The following MDGA2 variants were observed in gnomAD, a reference collection of about 807,000 sequenced individuals.
MDGA2 encodes the protein MAM domain-containing glycosylphosphatidylinositol anchor protein 2.
A neutral mutation model predicts 117.8 loss-of-function variants in MDGA2; 40 were observed. That is an observed-to-expected ratio of 0.34 (90% CI 0.26 to 0.44). The LOEUF (loss-of-function observed/expected upper bound fraction) is 0.44, where lower values mean the gene tolerates loss of function less well. Among genes scored for constraint, MDGA2 ranks in the 20% least tolerant of loss-of-function variants. MDGA2 has a pLI of 1.00. For missense variants in MDGA2, 1,123 were observed against 1,250.6 expected (o/e 0.90, Z 1.54); for synonymous variants, 452 against 439.0 (o/e 1.03, Z -0.37).
intron 5 of MDGA2, among the ~76,000 whole-genome samples, chr14:47,111,775 A>G (rs1881051153): frequency 6.6e-6 from 1 of 152,206 alleles, no homozygotes; most frequent in South Asian, 2.1e-4. Context: ...AGTGAAAGAA[A>G]CAACTATCTA....
chr14:47,506,393 G>A (rs1894512712), intron 1 of MDGA2, among the ~76,000 whole-genome samples: 1 of 152,092 alleles, frequency 6.6e-6, no homozygotes, highest in South Asian at 2.1e-4. Context: ...CCACATGAAC[G>A]ACTTCTTGTC....
intron 1 of MDGA2, among the ~76,000 whole-genome samples, chr14:47,393,263 C>T (rs1052914902): frequency 2.0e-4 from 31 of 151,686 alleles, no homozygotes; most frequent in African/African-American, 7.3e-4. Flanking sequence ...CGATGAGAAT[C>T]TGTGTACTTA....
chr14:46,911,176 C>T (rs1408084738), intron 10 of MDGA2, among the ~76,000 whole-genome samples: 1 of 152,162 alleles, frequency 6.6e-6, no homozygotes, highest in Non-Finnish European at 1.5e-5. Flanking sequence ...ATAAGTAATG[C>T]CTATGATATC....
intron 2 of MDGA2, among the ~76,000 whole-genome samples, chr14:47,256,120 C>T (rs1457488063): frequency 6.7e-6 from 1 of 148,806 alleles, no homozygotes; most frequent in Non-Finnish European, 1.5e-5. Flanking sequence ...TTTCTGAAGC[C>T]CTGATCTTAT....
At chr14:47,491,228 A>C (rs887403739) in intron 1 of MDGA2, among the ~76,000 whole-genome samples, 1 of 152,120 alleles carries the variant, frequency 6.6e-6, no homozygotes, top group Non-Finnish European at 1.5e-5. Context: ...GAGACCCTCA[A>C]GCTGTGACCA....
chr14:47,076,170 C>T (rs1359954220), intron 6 of MDGA2, among the ~76,000 whole-genome samples: 4 of 152,098 alleles, frequency 2.6e-5, no homozygotes, highest in African/African-American at 9.6e-5. Flanking sequence ...TAAACTACTA[C>T]TCAAAATCTC....
rs940145168 is a variant in MDGA2 at position 47,415,140 on chromosome 14, G to A, written c.281-113590C>T. Reference sequence around the variant, plus strand: ...AGGAACAAAACTGGATCCAGATGCAGAGTAATTTCTATATCAGTAACCCTT... The same window carrying A: ...AGGAACAAAACTGGATCCAGATGCAAAGTAATTTCTATATCAGTAACCCTT... On this transcript the variant is annotated intron_variant, in intron 1 of 16. Transcript: ENST00000399232. Among the ~76,000 whole-genome samples, 5 of 152,084 alleles carry A rather than the reference G, an allele frequency of 3.3e-5. 1 individual carries two copies. The South Asian group carries it at 8.3e-4, about 25-fold the overall frequency.
intron 8 of MDGA2, among the ~76,000 whole-genome samples, chr14:46,972,524 T>C (rs1184846645): frequency 2.0e-5 from 3 of 152,186 alleles, no homozygotes; most frequent in African/African-American, 7.2e-5. Flanking sequence ...TTATAACAAA[T>C]GTGTAAAGTA....
intron 1 of MDGA2, among the ~76,000 whole-genome samples, chr14:47,626,993 C>T (rs1389655224): frequency 2.0e-5 from 3 of 152,246 alleles, no homozygotes; most frequent in Admixed American, 6.5e-5. Flanking sequence ...CTTGGAGAAT[C>T]TTTGTGTCTA....
intron 8 of MDGA2, among the ~76,000 whole-genome samples, chr14:46,975,622 C>T (rs939840300): frequency 2.6e-5 from 4 of 152,078 alleles, no homozygotes; most frequent in African/African-American, 9.7e-5. Flanking sequence ...ATTTCACTCA[C>T]ATAGAGTACT....
intron 3 of MDGA2, among the ~76,000 whole-genome samples, chr14:47,158,261 T>C (rs1436429651): frequency 2.6e-5 from 4 of 152,112 alleles, no homozygotes; most frequent in African/African-American, 7.2e-5. Flanking sequence ...CCTAGGTGTG[T>C]AGTGGGCTAT....
intron 10 of MDGA2, among the ~76,000 whole-genome samples, chr14:46,895,497 G>A (rs775126663): frequency 7.9e-5 from 12 of 152,082 alleles, no homozygotes; most frequent in East Asian, 7.7e-4. Flanking sequence ...AGGCCGAGGC[G>A]GGTGGATCAC....
intron 1 of MDGA2, among the ~76,000 whole-genome samples, chr14:47,499,718 T>A (rs1168093819): frequency 6.6e-6 from 1 of 152,130 alleles, no homozygotes; most frequent in African/African-American, 2.4e-5. Context: ...TATCTTTTGA[T>A]GAGTTGTTGT....
At chr14:47,518,604 T>C (rs1894803886) in intron 1 of MDGA2, among the ~76,000 whole-genome samples, 1 of 152,232 alleles carries the variant, frequency 6.6e-6, no homozygotes, top group Admixed American at 6.5e-5. Flanking sequence ...TCTACTTTTA[T>C]GCTTTTTCTT....
intron 5 of MDGA2, among the ~76,000 whole-genome samples, chr14:47,127,820 A>C (rs2139132869): frequency 6.6e-6 from 1 of 152,262 alleles, no homozygotes; most frequent in Middle Eastern, 3.4e-3. Flanking sequence ...TAATAATCAC[A>C]GAAATAAAGT....
At chr14:47,498,425 A>T (rs1270677903) in intron 1 of MDGA2, among the ~76,000 whole-genome samples, 3 of 152,158 alleles carry the variant, frequency 2.0e-5, no homozygotes, top group South Asian at 2.1e-4. Flanking sequence ...TGTTACTGGA[A>T]CAAGGCAGGC....
intron 1 of MDGA2, among the ~76,000 whole-genome samples, chr14:47,464,513 T>C (rs1893559678): frequency 6.6e-6 from 1 of 151,940 alleles, no homozygotes; most frequent in Non-Finnish European, 1.5e-5. Context: ...TGTATAAAAA[T>C]CATCAGCCTG....
Position 47,081,962 on chromosome 14 carries a change from T to C in MDGA2, c.1195+14892A>G, listed in dbSNP as rs1890724242. ...TTGTTACATTTTTTGCTCCTCAAAA[T>C]TAGGAGATAGCAAAAGCTCCTTTAA... On this transcript the variant is annotated intron_variant, in intron 6 of 16. Coordinates refer to ENST00000399232, the MANE Select transcript of MDGA2 (RefSeq NM_001113498.3). Among the ~76,000 whole-genome samples, 3 of 152,070 alleles carry C rather than the reference T, an allele frequency of 2.0e-5. No homozygotes were observed. In the South Asian group the frequency reaches 6.2e-4, roughly 31 times the overall value.
intron 1 of MDGA2, among the ~76,000 whole-genome samples, chr14:47,467,364 G>C (rs781296433): frequency 6.6e-5 from 10 of 152,060 alleles, no homozygotes; most frequent in Non-Finnish European, 1.0e-4. Context: ...AAAGTTTCAA[G>C]CAAAAGGAAA....
Sources: gnomAD v4.1 joint callset for allele counts (sites outside exome capture counted in the v4.1 genomes callset) on GRCh38, gnomAD v4.1.1 for gene constraint, MANE v1.5 for transcripts, NCBI Gene and HGNC (gene_info 2026-07-23, HGNC 2026-07-21) for gene names.